The following NCAM2 variants were observed in gnomAD, a reference collection of about 807,000 sequenced individuals.
NCAM2 encodes the protein neural cell adhesion molecule 2, also known as N-CAM-2.
NCAM2 carries 30 observed loss-of-function variants against 98.1 expected under a neutral mutation model. The ratio of observed to expected loss-of-function variants is 0.31; its 90% CI spans 0.23 to 0.41. The LOEUF (loss-of-function observed/expected upper bound fraction) is 0.41. Among genes scored for constraint, NCAM2 ranks in the 10% least tolerant of loss-of-function variants. NCAM2 has a pLI of 1.00. For missense variants in NCAM2, 867 were observed against 1,005.8 expected, an observed-to-expected ratio of 0.86 and a Z score of 1.87; for synonymous variants, 368 against 342.4, an observed-to-expected ratio of 1.07 and a Z score of -0.83.
chr21:21,408,101 G>T (rs1261195720), intron 9 of NCAM2, among the ~76,000 whole-genome samples: 1 of 152,146 alleles, frequency 6.6e-6, no homozygotes, highest in Non-Finnish European at 1.5e-5. Context: ...GACATCATTT[G>T]GTGTAGAAAC....
intron 1 of NCAM2, among the ~76,000 whole-genome samples, chr21:21,026,234 G>T (rs1023100376): frequency 6.6e-6 from 1 of 152,122 alleles, no homozygotes; most frequent in Non-Finnish European, 1.5e-5. Flanking sequence ...ATTAACTAGG[G>T]TTTATTTGAG....
chr21:21,188,660 G>A (rs2068718546), intron 1 of NCAM2, among the ~76,000 whole-genome samples: 1 of 152,028 alleles, frequency 6.6e-6, no homozygotes. Flanking sequence ...AAATCATGAA[G>A]CAGATACTCA....
chr21:21,362,162 A>G (rs1034265017), intron 8 of NCAM2, among the ~76,000 whole-genome samples: 1 of 151,846 alleles, frequency 6.6e-6, no homozygotes, highest in African/African-American at 2.4e-5. Context: ...GCTTTATTTG[A>G]ACAGAGTTTG....
intron 1 of NCAM2, among the ~76,000 whole-genome samples, chr21:21,107,092 C>T (rs887544501): frequency 2.6e-5 from 4 of 152,042 alleles, no homozygotes; most frequent in African/African-American, 4.8e-5. Flanking sequence ...CAGTCCATCT[C>T]GTTTAGGGTT....
At chr21:21,081,167 A>ACT (rs1207951585) in intron 1 of NCAM2, among the ~76,000 whole-genome samples, 6 of 152,154 alleles carry the variant, frequency 3.9e-5, no homozygotes, top group Non-Finnish European at 5.9e-5. Context: ...ACGCATGCTC[A>ACT]CTTAGGCGTT....
intron 1 of NCAM2, among the ~76,000 whole-genome samples, chr21:21,107,023 G>T (rs1453633298): frequency 6.6e-6 from 1 of 152,000 alleles, no homozygotes; most frequent in Non-Finnish European, 1.5e-5. Context: ...TTTAGAGAGA[G>T]ACCAAAGATC....
chr21:21,419,305 CTTTTTT>C (rs34109924), intron 11 of NCAM2, among the ~76,000 whole-genome samples: 3 of 99,956 alleles, frequency 3.0e-5, no homozygotes, highest in East Asian at 2.8e-4. Flanking sequence ...AAATAGGGAA[CTTTTTT>C]TTTTTTTTTT....
chr21:21,178,619 C>T (rs1450623888), intron 1 of NCAM2, among the ~76,000 whole-genome samples: 1 of 151,904 alleles, frequency 6.6e-6, no homozygotes, highest in Non-Finnish European at 1.5e-5. Flanking sequence ...TGCTTACTAA[C>T]TTCATAGTCC....
At chr21:21,444,502 C>G (rs2146095735) in intron 12 of NCAM2, among the ~76,000 whole-genome samples, 1 of 152,162 alleles carries the variant, frequency 6.6e-6, no homozygotes, top group East Asian at 1.9e-4. Flanking sequence ...ATTATTGCCT[C>G]AATTTCAGAA....
chr21:21,309,933 C>A (rs758687051), intron 5 of NCAM2, among the ~76,000 whole-genome samples: 2 of 152,112 alleles, frequency 1.3e-5, no homozygotes, highest in Admixed American at 1.3e-4. Context: ...ATGTTTCTGA[C>A]ATTTTTAGCT....
chr21:21,538,113 A>T lies in NCAM2; in HGVS notation c.*156A>T, dbSNP rs979646909. The T allele has an allele frequency of 2.5e-6, 1 of 399,442 alleles. No homozygotes were observed. Among genetic ancestry groups the T allele is most frequent in the Non-Finnish European group, 4.6e-6 (1 of 218,158 alleles). 24.7% of individuals were successfully genotyped at this position (399,442 alleles called of 1,614,324 possible). A position where few individuals can be genotyped will look rare whatever the true frequency, so the allele number is the denominator to read the frequency against. The stretch of plus-strand genomic sequence containing the variant: ...ATATGATCAAATACTCCTGCCCATG[A>T]TCCATTCCCTTTTGTTATTGTTGTT... On this transcript the variant is annotated 3_prime_UTR_variant, in exon 18 of 18. Coordinates refer to ENST00000400546, the MANE Select transcript of NCAM2 (RefSeq NM_004540.5).
At chr21:21,115,978 TG>T (rs2066546895) in intron 1 of NCAM2, among the ~76,000 whole-genome samples, 1 of 138,332 alleles carries the variant, frequency 7.2e-6, no homozygotes, top group South Asian at 2.4e-4. Context: ...TGTGTGTGTG[TG>T]TGTGTGTGTG....
intron 12 of NCAM2, among the ~76,000 whole-genome samples, chr21:21,433,742 C>CAATAA (rs71322060): frequency 0.14 from 14,590 of 105,038 alleles, 1,248 homozygotes; most frequent in Middle Eastern, 0.19. Context: ...GACTCCATCT[C>CAATAA]AATAAAATAA....
chr21:21,435,853 T>C (rs144884695), intron 12 of NCAM2, among the ~76,000 whole-genome samples: 149 of 152,292 alleles, frequency 9.8e-4, no homozygotes, highest in Non-Finnish European at 1.7e-3. Context: ...AATCATGTTT[T>C]GGGGAAAACC....
intron 1 of NCAM2, among the ~76,000 whole-genome samples, chr21:21,230,733 C>A (rs1221659282): frequency 6.6e-6 from 1 of 151,240 alleles, no homozygotes; most frequent in Non-Finnish European, 1.5e-5. Flanking sequence ...GATGTTAGGA[C>A]CAGAAAATGG....
At chr21:21,020,883 C>T (rs2064419908) in intron 1 of NCAM2, among the ~76,000 whole-genome samples, 1 of 152,052 alleles carries the variant, frequency 6.6e-6, no homozygotes, top group Non-Finnish European at 1.5e-5. Flanking sequence ...ATCTTTATAC[C>T]CTCTGGAAGG....
intron 1 of NCAM2, among the ~76,000 whole-genome samples, chr21:21,096,540 G>C (rs1167186347): frequency 6.6e-6 from 1 of 151,656 alleles, no homozygotes; most frequent in Non-Finnish European, 1.5e-5. Context: ...GAATTAAAAT[G>C]TTTTTTTCTC....
intron 1 of NCAM2, among the ~76,000 whole-genome samples, chr21:21,105,964 A>C (rs889149631): frequency 6.6e-6 from 1 of 152,110 alleles, no homozygotes; most frequent in Non-Finnish European, 1.5e-5. Flanking sequence ...TACATGTTCC[A>C]AGAGGGTATG....
At chr21:21,422,529 TC>T (rs2077131469) in intron 11 of NCAM2, among the ~76,000 whole-genome samples, 1 of 152,188 alleles carries the variant, frequency 6.6e-6, no homozygotes, top group Admixed American at 6.5e-5. Flanking sequence ...GCAAGGACTT[TC>T]CATTAAACCC....
Sources: allele counts gnomAD v4.1 joint callset (sites outside exome capture counted in the v4.1 genomes callset), GRCh38; gene constraint gnomAD v4.1.1; transcripts MANE v1.5; gene names NCBI Gene and HGNC (gene_info 2026-07-23, HGNC 2026-07-21).